CSMD1: variants seen among roughly 807,000 people sequenced by gnomAD.
The protein encoded by CSMD1 is CUB and Sushi multiple domains 1, also known as CUB and sushi domain-containing protein 1.
A neutral mutation model predicts 417.5 loss-of-function variants in CSMD1; 213 were observed. The ratio of observed to expected loss-of-function variants is 0.51; its 90% CI spans 0.46 to 0.57. The LOEUF (loss-of-function observed/expected upper bound fraction) is 0.57. Among genes scored for constraint, CSMD1 ranks in the 20% least tolerant of loss-of-function variants. The pLI, the probability that CSMD1 is intolerant of heterozygous loss-of-function variation, is 0.00. For missense variants in CSMD1, 6,923 were observed against 4,529.7 expected, an observed-to-expected ratio of 1.53 and a Z score of -15.17; for synonymous variants, 2,862 against 1,736.8, an observed-to-expected ratio of 1.65 and a Z score of -16.11.
At chr8:3,545,531 T>G (rs997062861) in intron 10 of CSMD1, among the ~76,000 whole-genome samples, 1 of 152,302 alleles carries the variant, frequency 6.6e-6, no homozygotes, top group African/African-American at 2.4e-5. Flanking sequence ...TCGGTATAAT[T>G]TCACCACTCT....
At chr8:3,353,428 T>C (rs1239412106) in intron 21 of CSMD1, among the ~76,000 whole-genome samples, 1 of 152,182 alleles carries the variant, frequency 6.6e-6, no homozygotes, top group African/African-American at 2.4e-5. Flanking sequence ...TCACAAAATG[T>C]TTCCTTTTCC....
chr8:3,160,974 G>A (rs1429305423), intron 38 of CSMD1, among the ~76,000 whole-genome samples: 1 of 152,292 alleles, frequency 6.6e-6, no homozygotes, highest in East Asian at 1.9e-4. Flanking sequence ...CGGCTGTAGT[G>A]TTGCAACTCT....
chr8:3,288,940 A>C (rs1339875584), intron 25 of CSMD1, among the ~76,000 whole-genome samples: 1 of 146,854 alleles, frequency 6.8e-6, no homozygotes, highest in African/African-American at 2.7e-5. Flanking sequence ...CTCATCATTT[A>C]ACATTAGGTA....
chr8:3,756,609 C>G (rs1327910221), intron 5 of CSMD1, among the ~76,000 whole-genome samples: 1 of 152,044 alleles, frequency 6.6e-6, no homozygotes, highest in Admixed American at 6.6e-5. Context: ...TATTCAATCC[C>G]CTGTAAGTTT....
At chr8:4,417,080 AT>A (rs147952500) in intron 3 of CSMD1, among the ~76,000 whole-genome samples, 4,102 of 152,178 alleles carry the variant, frequency 0.027, 91 homozygotes, top group South Asian at 0.082. Flanking sequence ...CTTCAATTTT[AT>A]TCTATATTTA....
chr8:2,998,262 A>T (rs1001481366), intron 53 of CSMD1, 78 bp from the exon 54 acceptor site: 5 of 1,424,576 alleles, frequency 3.5e-6, no homozygotes, highest in Non-Finnish European at 4.9e-6. Context: ...AATAAGAAAC[A>T]TGCAGGCATG....
At chr8:4,301,674 G>A (rs542329934) in intron 3 of CSMD1, among the ~76,000 whole-genome samples, 2 of 152,180 alleles carry the variant, frequency 1.3e-5, no homozygotes, top group African/African-American at 4.8e-5. Context: ...TTCAATTAGG[G>A]CATGGACCAG....
intron 1 of CSMD1, among the ~76,000 whole-genome samples, chr8:4,914,667 G>A (rs928730600): frequency 2.0e-5 from 3 of 151,910 alleles, no homozygotes; most frequent in Non-Finnish European, 4.4e-5. Flanking sequence ...TCCTCTGTTT[G>A]GACACTAATC....
chr8:4,495,722 G>T (rs576536836), intron 2 of CSMD1, among the ~76,000 whole-genome samples: 21 of 149,160 alleles, frequency 1.4e-4, no homozygotes, highest in African/African-American at 2.0e-4. Context: ...CCTCCTTATA[G>T]GAGAGTTATA....
chr8:3,090,249 G>T (rs892266184), intron 48 of CSMD1, among the ~76,000 whole-genome samples: 1 of 146,556 alleles, frequency 6.8e-6, no homozygotes, highest in Non-Finnish European at 1.5e-5. Context: ...CCCGGGAGGC[G>T]GAGCTTGCAG....
intron 7 of CSMD1, among the ~76,000 whole-genome samples, chr8:3,659,727 A>C (rs1269651835): frequency 6.6e-6 from 1 of 152,150 alleles, no homozygotes; most frequent in East Asian, 1.9e-4. Context: ...ACACTCCATA[A>C]TATTAATTCC....
chr8:3,407,668 G>A (rs1263453748), intron 14 of CSMD1, among the ~76,000 whole-genome samples: 2 of 152,066 alleles, frequency 1.3e-5, no homozygotes, highest in African/African-American at 2.4e-5. Context: ...AAAGAGAGAG[G>A]AGATCCAGCT....
intron 1 of CSMD1, among the ~76,000 whole-genome samples, chr8:4,888,746 T>C (rs998836171): frequency 1.3e-5 from 2 of 152,038 alleles, no homozygotes; most frequent in Non-Finnish European, 1.5e-5. Context: ...CTGGGATATG[T>C]GTTAGGGCTA....
chr8:4,077,707 T>C (rs760482591), intron 3 of CSMD1, among the ~76,000 whole-genome samples: 4 of 152,188 alleles, frequency 2.6e-5, no homozygotes, highest in Non-Finnish European at 5.9e-5. Flanking sequence ...TTAATTCTTG[T>C]TTCTTACCAT....
intron 23 of CSMD1, among the ~76,000 whole-genome samples, chr8:3,342,304 T>C (rs1019476436): frequency 6.6e-6 from 1 of 152,206 alleles, no homozygotes; most frequent in Non-Finnish European, 1.5e-5. Flanking sequence ...GGGATGATTA[T>C]TATCTTTTGC....
At chr8:4,488,032 G>A (rs1201420341) in intron 2 of CSMD1, among the ~76,000 whole-genome samples, 1 of 152,142 alleles carries the variant, frequency 6.6e-6, no homozygotes. Context: ...GAGGTGAGTA[G>A]GTCATGAGGA....
intron 4 of CSMD1, among the ~76,000 whole-genome samples, chr8:4,006,823 A>T (rs201516402): frequency 5.0e-3 from 476 of 95,870 alleles, no homozygotes; most frequent in African/African-American, 9.4e-3. Context: ...GACTTTTCCT[A>T]TTTTTTTTTT....
chr8:4,922,906 C>T (rs569222391), intron 1 of CSMD1, among the ~76,000 whole-genome samples: 2 of 152,282 alleles, frequency 1.3e-5, no homozygotes, highest in Non-Finnish European at 2.9e-5. Flanking sequence ...GTCTCTCACT[C>T]CCTTAAATCT....
chr8:3,721,121 C>G (rs189998146), intron 6 of CSMD1, among the ~76,000 whole-genome samples: 3 of 152,170 alleles, frequency 2.0e-5, no homozygotes, highest in African/African-American at 7.2e-5. Context: ...CCATGCCCGG[C>G]CAGTTGCGAC....
Sources: allele counts gnomAD v4.1 joint callset (sites outside exome capture counted in the v4.1 genomes callset), GRCh38; gene constraint gnomAD v4.1.1; transcripts MANE v1.5; gene names NCBI Gene and HGNC (gene_info 2026-07-23, HGNC 2026-07-21).